The following THSD7A variants were observed in gnomAD, a reference collection of about 807,000 sequenced individuals.
THSD7A encodes the protein thrombospondin type-1 domain-containing protein 7A.
THSD7A carries 96 observed loss-of-function variants against 231.3 expected under a neutral mutation model. That is an observed-to-expected ratio of 0.41 (90% CI 0.35 to 0.49). The LOEUF (loss-of-function observed/expected upper bound fraction) is 0.49. THSD7A is among the 20% of genes least tolerant of loss of function. THSD7A has a pLI of 0.05. For missense variants in THSD7A, 2,290 were observed against 2,070.2 expected (o/e 1.11, Z -2.06); for synonymous variants, 940 against 743.3 (o/e 1.26, Z -4.30).
At chr7:11,792,420 C>T (rs554177171) in intron 1 of THSD7A, among the ~76,000 whole-genome samples, 2 of 151,948 alleles carry the variant, frequency 1.3e-5, no homozygotes, top group East Asian at 1.9e-4. Context: ...TGACTCCTAA[C>T]GCCAAGCTCT....
intron 1 of THSD7A, among the ~76,000 whole-genome samples, chr7:11,819,205 T>C (rs1303952115): frequency 2.6e-5 from 4 of 152,086 alleles, no homozygotes; most frequent in Non-Finnish European, 5.9e-5. Context: ...AGTGGAGAAA[T>C]AGGAACTCTC....
chr7:11,765,103 T>C (rs1265101001), intron 1 of THSD7A, among the ~76,000 whole-genome samples: 2 of 152,146 alleles, frequency 1.3e-5, no homozygotes, highest in Non-Finnish European at 2.9e-5. Flanking sequence ...AAATGAAAAT[T>C]CATTTTTGAG....
At chr7:11,820,021 AC>A (rs1490878988) in intron 1 of THSD7A, among the ~76,000 whole-genome samples, 4 of 151,596 alleles carry the variant, frequency 2.6e-5, no homozygotes, top group Non-Finnish European at 5.9e-5. Flanking sequence ...TCGCTCTCCC[AC>A]CCTACCCCTG....
At chr7:11,699,734 T>C (rs1020634802) in intron 1 of THSD7A, among the ~76,000 whole-genome samples, 1 of 151,320 alleles carries the variant, frequency 6.6e-6, no homozygotes, top group Non-Finnish European at 1.5e-5. Flanking sequence ...ATAGCAGCAC[T>C]TCTCCAGGGT....
chr7:11,570,516 T>G (rs1311249922), intron 4 of THSD7A, among the ~76,000 whole-genome samples: 1 of 152,202 alleles, frequency 6.6e-6, no homozygotes, highest in Non-Finnish European at 1.5e-5. Context: ...AAAGAAATGA[T>G]AAATGTCTGA....
chr7:11,818,981 A>C (rs1040358470), intron 1 of THSD7A, among the ~76,000 whole-genome samples: 10 of 152,182 alleles, frequency 6.6e-5, no homozygotes, highest in African/African-American at 2.4e-4. Flanking sequence ...GAACTCCGCC[A>C]GCTAAGAGTT....
chr7:11,756,135 G>A (rs1366915569), intron 1 of THSD7A, among the ~76,000 whole-genome samples: 1 of 151,968 alleles, frequency 6.6e-6, no homozygotes, highest in Non-Finnish European at 1.5e-5. Flanking sequence ...TTCATCCTGG[G>A]TCCTTTTATA....
chr7:11,782,199 A>C (rs79309795), intron 1 of THSD7A, among the ~76,000 whole-genome samples: 4,971 of 152,278 alleles, frequency 0.033, 151 homozygotes, highest in East Asian at 0.15. Context: ...CTTCATACCT[A>C]AGAATGGAAT....
chr7:11,798,703 G>A (rs1487446714), intron 1 of THSD7A, among the ~76,000 whole-genome samples: 1 of 151,956 alleles, frequency 6.6e-6, no homozygotes, highest in Non-Finnish European at 1.5e-5. Flanking sequence ...GGTAAAGTTG[G>A]TATCTAACTG....
chr7:11,736,483 G>GTGTA (rs556935427), intron 1 of THSD7A, among the ~76,000 whole-genome samples: 1,704 of 151,076 alleles, frequency 0.011, 30 homozygotes, highest in African/African-American at 0.039. Flanking sequence ...GTGTGTGTGT[G>GTGTA]TAAAATAAAT....
At chr7:11,777,414 TACACACACAC>T (rs66487858) in intron 1 of THSD7A, among the ~76,000 whole-genome samples, 6,885 of 147,128 alleles carry the variant, frequency 0.047, 307 homozygotes, top group African/African-American at 0.12. Context: ...GTAAATTAAG[TACACACACAC>T]ACACACACAC....
In THSD7A at chr7:11,773,638, A is replaced by G. The variant is rs189474670; in HGVS notation, c.190+58119T>C. ...CATCAAACATATTTGAATACATAAG[A>G]CTTTGAATTTCTTTTTTAAAAAATG... On this transcript the variant is annotated intron_variant, in intron 1 of 27. Transcript: ENST00000423059. Among the ~76,000 whole-genome samples the G allele has an allele frequency of 1.8e-3, 270 of 152,254 alleles. 2 individuals carry two copies. The highest frequency in any genetic ancestry group is 7.5e-3 in the South Asian group (36 of 4,824).
At chr7:11,404,973 T>C (rs1262930902) in intron 22 of THSD7A, among the ~76,000 whole-genome samples, 1 of 152,104 alleles carries the variant, frequency 6.6e-6, no homozygotes, top group Non-Finnish European at 1.5e-5. Flanking sequence ...AATAGTTTAG[T>C]TCTTGACCTG....
At chr7:11,527,563 C>T (rs879447304) in intron 6 of THSD7A, among the ~76,000 whole-genome samples, 8 of 152,164 alleles carry the variant, frequency 5.3e-5, no homozygotes, top group Non-Finnish European at 1.2e-4. Flanking sequence ...ACTTTGCACT[C>T]TATCAAGAAA....
chr7:11,583,851 G>GAAGT (rs1390968147), intron 4 of THSD7A, among the ~76,000 whole-genome samples: 2 of 152,044 alleles, frequency 1.3e-5, no homozygotes, highest in Non-Finnish European at 2.9e-5. Context: ...TGGACTCATG[G>GAAGT]AAGTAAGCAT....
At position 11,379,196 on chromosome 7, in the gene THSD7A, C is replaced by T; in HGVS notation, c.4675G>A (p.Val1559Met). 1 of 1,613,626 alleles carries T rather than the reference C, an allele frequency of 6.2e-7. No homozygotes were observed. The highest frequency in any genetic ancestry group is 8.5e-7 in the Non-Finnish European group (1 of 1,179,666). Residue 1559 changes from valine (V) to methionine (M), a missense_variant, in exon 26 of 28, where the codon GTG (valine) becomes ATG (methionine). By Grantham distance (21) the Val-to-Met change is conservative. Coordinates refer to ENST00000423059, the MANE Select transcript of THSD7A (RefSeq NM_015204.3). ...TLEQCTLIPVVVLPTMEDKRG... is the reference protein window; with the variant it reads ...TLEQCTLIPVMVLPTMEDKRG... ...TTGTCCTCCATGGTGGGTAATACCA[C>T]CACGGGGATAAGTGTGCATTGCTCA...
intron 13 of THSD7A, among the ~76,000 whole-genome samples, chr7:11,442,135 T>C (rs1345210851): frequency 1.3e-5 from 2 of 152,042 alleles, no homozygotes; most frequent in Non-Finnish European, 2.9e-5. Flanking sequence ...AGTGACTATA[T>C]TTAATACCAT....
chr7:11,642,093 G>T (rs1218851860), intron 1 of THSD7A, among the ~76,000 whole-genome samples: 1 of 152,126 alleles, frequency 6.6e-6, no homozygotes, highest in Non-Finnish European at 1.5e-5. Context: ...ATGTTTTAAA[G>T]TACAATTTGA....
At chr7:11,379,034 AAGGTT>A (rs1265495583) in intron 26 of THSD7A, 31 bp downstream of exon 26, 1 of 1,603,958 alleles carries the variant, frequency 6.2e-7, no homozygotes, top group Non-Finnish European at 8.5e-7. Flanking sequence ...AAAAGAACTA[AAGGTT>A]TCTCTTTCAA....
Sources: allele counts gnomAD v4.1 joint callset (sites outside exome capture counted in the v4.1 genomes callset), GRCh38; gene constraint gnomAD v4.1.1; transcripts MANE v1.5; gene names NCBI Gene and HGNC (gene_info 2026-07-23, HGNC 2026-07-21).